Variants in MCM8 observed in about 807,000 individuals in gnomAD.
The protein encoded by MCM8 is DNA helicase MCM8.
Under a neutral mutation model 98.9 loss-of-function variants are expected in MCM8, and 85 were observed. The observed-to-expected ratio is 0.86, with a 90% CI of 0.72 to 1.03. MCM8 has a LOEUF of 1.03. Among genes scored for constraint, MCM8 ranks in the 50% least tolerant of loss-of-function variants. The probability of loss-of-function intolerance (pLI) is 0.00; values close to 1 mark genes in which losing one functional copy is unlikely to be tolerated. For synonymous variants in MCM8, 352 were observed against 338.6 expected (o/e 1.04, Z -0.44); for missense variants, 951 against 997.8 (o/e 0.95, Z 0.63).
At chr20:5,978,301 A>T (rs2089556516) in intron 13 of MCM8, among the ~76,000 whole-genome samples, 1 of 150,584 alleles carries the variant, frequency 6.6e-6, no homozygotes. Context: ...TTCCCATTTC[A>T]TACCACCTAT....
Position 5,967,562 on chromosome 20 carries a change from T to C in MCM8, c.1002T>C (p.Ile334=). 1 of 1,612,700 alleles carries C rather than the reference T, an allele frequency of 6.2e-7. No homozygotes were observed. Among genetic ancestry groups the C allele is most frequent in the African/African-American group, 1.3e-5 (1 of 75,042 alleles). The stretch of plus-strand genomic sequence containing the variant: ...GAGACACAGTGACTATTACTGGAAT[T>C]GTCAAAGTCTCAAATGCGGAAGAAG... ...VPGDTVTITG[I]VKVSNAEEGS... is the part of the protein sequence containing the mutation. Residue 334 remains isoleucine, a synonymous_variant, in exon 9 of 19, where the codon ATT becomes ATC. Transcript: ENST00000610722.
chr20:5,968,162 G>A (rs2089320014), intron 10 of MCM8, 137 bp downstream of exon 10: 2 of 587,102 alleles, frequency 3.4e-6, no homozygotes, highest in African/African-American at 1.9e-5. Context: ...ATCCCCTTGA[G>A]TATGGCCTAT....
intron 14 of MCM8, among the ~76,000 whole-genome samples, chr20:5,984,102 T>C (rs2089684168): frequency 6.6e-6 from 1 of 152,248 alleles, no homozygotes; most frequent in African/African-American, 2.4e-5. Flanking sequence ...TTCTAATTCA[T>C]TCTGTACAGC....
At position 5,973,044 on chromosome 20, in the gene MCM8, T is replaced by C. The variant is rs1166881972; in HGVS notation, c.1255-12T>C. 2 of 1,612,354 alleles carry C rather than the reference T, an allele frequency of 1.2e-6. No individual in the cohort carries two copies. The highest frequency in any genetic ancestry group is 2.2e-5 in the East Asian group (1 of 44,822). ...CCTTACTTCTGTTTTTTGTTCTTTT[T>C]TCGCACTTGAGCTTGTTAAAGCAGG... On this transcript the variant is annotated splice_polypyrimidine_tract_variant and intron_variant, in intron 11 of 18. Coordinates refer to ENST00000610722, the MANE Select transcript of MCM8 (RefSeq NM_032485.6).
chr20:5,989,178 G>C (rs1307551726), intron 17 of MCM8, among the ~76,000 whole-genome samples: 1 of 144,406 alleles, frequency 6.9e-6, no homozygotes, highest in African/African-American at 2.7e-5. Flanking sequence ...GTGCAGTGGT[G>C]TGATATTGGC....
At chr20:5,984,742 A>ATT in intron 14 of MCM8, 39 bp from the exon 15 acceptor site, 1 of 1,519,986 alleles carries the variant, frequency 6.6e-7, no homozygotes, top group African/African-American at 1.4e-5. Context: ...TTTCCTTTTG[A>ATT]TTCCAATCAT....
At chr20:5,967,178 T>C (rs1347937931) in intron 8 of MCM8, among the ~76,000 whole-genome samples, 2 of 152,234 alleles carry the variant, frequency 1.3e-5, no homozygotes, top group Non-Finnish European at 2.9e-5. Context: ...TCTCATTTGC[T>C]GATGATACCT....
intron 10 of MCM8, among the ~76,000 whole-genome samples, chr20:5,968,659 T>C (rs1347011693): frequency 6.6e-6 from 1 of 152,252 alleles, no homozygotes; most frequent in East Asian, 1.9e-4. Context: ...CAGAGTTGAA[T>C]AGTTGTGACA....
chr20:5,958,152 C>T (rs1446728796), intron 6 of MCM8, among the ~76,000 whole-genome samples: 6 of 152,308 alleles, frequency 3.9e-5, no homozygotes, highest in African/African-American at 7.2e-5. Flanking sequence ...AGGCGGATCA[C>T]GAGGTCAAGC....
intron 13 of MCM8, among the ~76,000 whole-genome samples, chr20:5,979,906 GC>G (rs1568590616): frequency 6.6e-6 from 1 of 152,156 alleles, no homozygotes; most frequent in Non-Finnish European, 1.5e-5. Flanking sequence ...TCATGTTCTG[GC>G]CTTTCACCTC....
rs2089720748 is a variant in MCM8, at chr20:5,985,863, C to T, written c.1954-59C>T. The T allele has an allele frequency of 1.0e-5, 16 of 1,570,560 alleles. No homozygotes were observed. In the South Asian group the frequency reaches 1.8e-4, roughly 18 times the overall value. On this transcript the variant is annotated intron_variant, in intron 15 of 18. Coordinates refer to ENST00000610722, the MANE Select transcript of MCM8 (RefSeq NM_032485.6). ...ACCTGGCCTAAACAAGTTATTTTAG[C>T]AGAAATATTTTATTTGCTACTTATC... is the stretch of plus-strand genomic sequence containing the variant.
At chr20:5,979,616 C>G (rs958077439) in intron 13 of MCM8, among the ~76,000 whole-genome samples, 6 of 152,182 alleles carry the variant, frequency 3.9e-5, no homozygotes, top group African/African-American at 1.4e-4. Context: ...TCATACCCCA[C>G]ATTAATCTGT....
intron 7 of MCM8, among the ~76,000 whole-genome samples, chr20:5,959,238 C>T (rs2089072172): frequency 6.6e-6 from 1 of 152,138 alleles, no homozygotes; most frequent in African/African-American, 2.4e-5. Context: ...TATGATTTGG[C>T]AAATATTAAT....
intron 10 of MCM8, among the ~76,000 whole-genome samples, chr20:5,971,175 A>C (rs2089393880): frequency 6.6e-6 from 1 of 152,176 alleles, no homozygotes; most frequent in African/African-American, 2.4e-5. Flanking sequence ...CAGGGCTCTT[A>C]AGATTTAACC....
chr20:5,972,876 A>G, intron 11 of MCM8, 180 bp from the exon 12 acceptor site: 2 of 1,349,036 alleles, frequency 1.5e-6, no homozygotes, highest in South Asian at 1.6e-5. Flanking sequence ...TCAAGTTTTT[A>G]CTTTTTAATC....
At position 5,986,074 on chromosome 20, in the gene MCM8, G is replaced by T; in HGVS notation, c.2106G>T (p.Arg702Ser). The T allele has an allele frequency of 6.2e-7, 1 of 1,614,194 alleles. No individual in the cohort carries two copies. The highest frequency in any genetic ancestry group is 8.5e-7 in the Non-Finnish European group (1 of 1,180,044). The change falls in exon 16 of 19, where the codon AGG becomes AGT. Residue 702 changes from arginine (R) to serine (S), a missense_variant. Coordinates refer to ENST00000610722, the MANE Select transcript of MCM8 (RefSeq NM_032485.6). ...TTGAGCTCCGGAAACAGAGCCAGAG[G>T]TTAAATAGCTCACCAATCACTACCA... The part of the protein sequence containing the change: ...FYLELRKQSQ[R>S]LNSSPITTRQ...
In MCM8 at chr20:5,992,221, T is replaced by C. The variant is rs550364103; in HGVS notation, c.2241-1285T>C. Among the ~76,000 whole-genome samples, 32 of 152,286 alleles carry C rather than the reference T, an allele frequency of 2.1e-4. 1 individual carries two copies. In the South Asian group the frequency reaches 4.3e-3, roughly 21 times the overall value. On this transcript the variant is annotated intron_variant, in intron 17 of 18. Transcript: ENST00000610722. ...GTGTAGCAGATTCAAATCTGAGATA[T>C]GCCACTTACTAGTTGTGTAACTTCT... is the stretch of plus-strand genomic sequence containing the variant.
intron 2 of MCM8, 34 bp from the exon 3 acceptor site, chr20:5,952,390 T>C (rs771050627): frequency 6.2e-7 from 1 of 1,602,990 alleles, no homozygotes; most frequent in South Asian, 1.1e-5. Flanking sequence ...ATGTTCACTC[T>C]GTTTCTACTA....
intron 10 of MCM8, among the ~76,000 whole-genome samples, chr20:5,969,557 A>G (rs1355673379): frequency 1.3e-5 from 2 of 149,328 alleles, no homozygotes; most frequent in African/African-American, 2.5e-5. Flanking sequence ...GCGCCACTGC[A>G]CTCCAGCCTG....
Sources: allele counts gnomAD v4.1 joint callset (sites outside exome capture counted in the v4.1 genomes callset), GRCh38; gene constraint gnomAD v4.1.1; transcripts MANE v1.5; gene names NCBI Gene and HGNC (gene_info 2026-07-23, HGNC 2026-07-21).